The following MORN1 variants were observed in gnomAD, a reference collection of about 807,000 sequenced individuals.
MORN1 encodes the protein MORN repeat-containing protein 1.
In MORN1, 67 loss-of-function variants were observed where a neutral mutation model predicts 61.9. The ratio of observed to expected loss-of-function variants is 1.08; its 90% confidence interval spans 0.89 to 1.33. MORN1 has a LOEUF of 1.33. MORN1 is among the 40% of genes most tolerant of loss of function. The pLI, the probability that MORN1 is intolerant of heterozygous loss-of-function variation, is 0.00. For missense variants in MORN1, 752 were observed against 691.2 expected, an observed-to-expected ratio of 1.09 and a Z score of -0.99; for synonymous variants, 301 against 292.0, an observed-to-expected ratio of 1.03 and a Z score of -0.31.
rs749753036 is a variant in MORN1, at chr1:2,389,986, G to C, written c.87C>G (p.Val29=). ...PRRPPRNGYG[V]YVYPNSFFRY... ...GAAAGAAGGAATTTGGGTATACGTA[G>C]ACACCATAACCTGAGTATTGAGAAG... Residue 29 remains valine (V), a synonymous_variant, in exon 2 of 14, where the codon GTC becomes GTG. Transcript: ENST00000378531. The C allele has an allele frequency of 6.2e-7, 1 of 1,613,848 alleles. No individual in the cohort carries two copies. Among genetic ancestry groups the C allele is most frequent in the Non-Finnish European group, 8.5e-7 (1 of 1,179,782 alleles).
At chr1:2,327,093 GAA>G (rs1641042758) in intron 12 of MORN1, among the ~76,000 whole-genome samples, 1 of 144,758 alleles carries the variant, frequency 6.9e-6, no homozygotes, top group African/African-American at 2.5e-5. Context: ...CAGAGACACA[GAA>G]ACACACAGAA....
Position 2,321,406 on chromosome 1 carries a change from G to A in MORN1, c.1471C>T (p.Pro491Ser), listed in dbSNP as rs1381074800. The A allele has an allele frequency of 2.0e-6, 3 of 1,535,600 alleles. No homozygotes were observed. In the South Asian group the frequency reaches 3.6e-5, roughly 18 times the overall value. The change falls in exon 14 of 14, where the codon CCA becomes TCA. Residue 491 changes from proline to serine, a missense_variant. Physicochemically the swap from Pro to Ser is moderately conservative, Grantham distance 74. Coordinates refer to ENST00000378531, the MANE Select transcript of MORN1 (RefSeq NM_024848.3). ...SSWQAAHSCT[P>S]EPPAPR Reference sequence around the variant, plus strand: ...CCTCACCGAGGCGCTGGCGGCTCTGGGGTGCAGCTGTGGGCGGCCTGCCAG... The same window carrying A: ...CCTCACCGAGGCGCTGGCGGCTCTGAGGTGCAGCTGTGGGCGGCCTGCCAG...
At chr1:2,378,765 G>C (rs938126730) in intron 6 of MORN1, 3 of 368,500 alleles carry the variant, frequency 8.1e-6, no homozygotes, top group Non-Finnish European at 1.6e-5. Flanking sequence ...TGTGGGGCCT[G>C]CCCAAGCCCT....
intron 8 of MORN1, 107 bp from the exon 9 acceptor site, chr1:2,358,822 C>G: frequency 7.3e-7 from 1 of 1,371,088 alleles, no homozygotes; most frequent in South Asian, 1.4e-5. Context: ...TCAGCGGGGC[C>G]ACATTTGCCA....
chr1:2,372,356 G>T lies in MORN1; in HGVS notation c.745+125C>A. 2.8e-6 allele frequency: 2 copies of T among 720,112 alleles called. No homozygotes were observed. The highest frequency in any genetic ancestry group is 4.6e-6 in the Non-Finnish European group (2 of 437,246). 44.6% of individuals were successfully genotyped at this position (720,112 alleles called of 1,614,324 possible). ...CTGCGACCTCTCTGCCAGGCTCTGG[G>T]CACGAAGTCACTGCTGTGCCTCAGG... On this transcript the variant is annotated intron_variant, in intron 8 of 13. Transcript: ENST00000378531. This position sits in a 1 kb window ranked among gnomAD's most constrained non-coding sequence, Gnocchi z 5.4.
At chr1:2,345,833 AC>A (rs1641501951) in intron 10 of MORN1, among the ~76,000 whole-genome samples, 1 of 61,562 alleles carries the variant, frequency 1.6e-5, no homozygotes, top group Admixed American at 2.9e-4. Flanking sequence ...ATGCGGCCAC[AC>A]ACACACACAC....
rs1557873833 is a variant in MORN1, at chr1:2,342,887, T to TTTTATTTTATTTTA, written c.1037-6051_1037-6038dup. Among the ~76,000 whole-genome samples, 128 of 113,280 alleles carry TTTTATTTTATTTTA rather than the reference T, an allele frequency of 1.1e-3. 1 individual carries two copies. Among genetic ancestry groups the TTTTATTTTATTTTA allele is most frequent in the Admixed American group, 2.5e-3 (28 of 11,424 alleles). 74.3% of individuals were successfully genotyped at this position (113,280 alleles called of 152,430 possible). A position where few individuals can be genotyped will look rare whatever the true frequency, so the allele number is the denominator to read the frequency against. Reference sequence around the variant, plus strand: ...ATTTTATTTATTTTATTTTATTTTATTTTATTTTATTTTATTTTATTTTAT... The same window carrying TTTTATTTTATTTTA: ...ATTTTATTTATTTTATTTTATTTTATTTTATTTTATTTTATTTATTTTATTTTATTTTATTTTAT... On this transcript the variant is annotated intron_variant, in intron 10 of 13. Coordinates refer to ENST00000378531, the MANE Select transcript of MORN1 (RefSeq NM_024848.3).
chr1:2,328,346 A>G (rs751962117), intron 12 of MORN1, among the ~76,000 whole-genome samples: 1 of 152,204 alleles, frequency 6.6e-6, no homozygotes, highest in Non-Finnish European at 1.5e-5. Flanking sequence ...AAGGGCGCCC[A>G]CTGGTGCAGT....
intron 8 of MORN1, among the ~76,000 whole-genome samples, chr1:2,369,525 T>C (rs1349658784): frequency 6.6e-6 from 1 of 152,046 alleles, no homozygotes; most frequent in Non-Finnish European, 1.5e-5. Context: ...AATATGATCG[T>C]ATATAGAGAA....
chr1:2,323,593 C>G, intron 13 of MORN1: 7 of 985,338 alleles, frequency 7.1e-6, no homozygotes, highest in Non-Finnish European at 8.4e-6. Context: ...GGCCCCACGG[C>G]TGAGGGTCTG....
At chr1:2,322,212 T>C in intron 13 of MORN1, 1 of 985,158 alleles carries the variant, frequency 1.0e-6, no homozygotes, top group Non-Finnish European at 1.2e-6. Context: ...GGAGAAACCA[T>C]AAAAAAGAAA....
At chr1:2,362,342 G>A (rs1220280271) in intron 8 of MORN1, among the ~76,000 whole-genome samples, 1 of 152,194 alleles carries the variant, frequency 6.6e-6, no homozygotes, top group East Asian at 1.9e-4. Context: ...GAAGAAGAGG[G>A]GTTGGTCTTG....
intron 8 of MORN1, among the ~76,000 whole-genome samples, chr1:2,363,811 A>AATAT (rs57880730): frequency 7.4e-6 from 1 of 135,100 alleles, no homozygotes; most frequent in Non-Finnish European, 1.5e-5. Flanking sequence ...CAAACAAAAA[A>AATAT]ATATATATAT....
At chr1:2,381,916 G>A (rs148701915) in intron 6 of MORN1, among the ~76,000 whole-genome samples, 13 of 152,336 alleles carry the variant, frequency 8.5e-5, no homozygotes, top group African/African-American at 2.9e-4. Flanking sequence ...ACAGGGCTGG[G>A]CTGCCCCCTG....
intron 10 of MORN1, among the ~76,000 whole-genome samples, chr1:2,344,174 T>A (rs1337983766): frequency 6.6e-6 from 1 of 152,306 alleles, no homozygotes; most frequent in African/African-American, 2.4e-5. Context: ...GAGGAGGATG[T>A]CCAGGGGCAC....
rs767789584 is a variant in MORN1 at position 2,384,971 on chromosome 1, C to G, written c.537+7G>C. The G allele has an allele frequency of 7.7e-6, 12 of 1,561,616 alleles. No individual in the cohort carries two copies. The highest frequency in any genetic ancestry group is 1.2e-5 in the South Asian group (1 of 85,042). On this transcript the variant is annotated splice_region_variant and intron_variant, in intron 6 of 13. Coordinates refer to ENST00000378531, the MANE Select transcript of MORN1 (RefSeq NM_024848.3). ...CTGGGCAGCAGGTGCCGCGCGCCCC[C>G]GGGTACCTTGTAGGTGGAGCCGTCG...
intron 10 of MORN1, among the ~76,000 whole-genome samples, chr1:2,353,942 G>A (rs577884059): frequency 7.3e-4 from 111 of 152,236 alleles, no homozygotes; most frequent in Non-Finnish European, 1.4e-3. Flanking sequence ...CAGCAAGCCC[G>A]ATAAATCAGT....
At chr1:2,340,150 G>A (rs534243702) in intron 10 of MORN1, among the ~76,000 whole-genome samples, 7 of 152,044 alleles carry the variant, frequency 4.6e-5, no homozygotes, top group East Asian at 3.9e-4. Flanking sequence ...TGGGCCCTCC[G>A]GGAGACCTCG....
At chr1:2,361,019 A>G (rs1478184494) in intron 8 of MORN1, among the ~76,000 whole-genome samples, 1 of 152,222 alleles carries the variant, frequency 6.6e-6, no homozygotes, top group Non-Finnish European at 1.5e-5. Context: ...AAGAATATTT[A>G]TAGGAATACA....
Sources: allele counts gnomAD v4.1 joint callset (sites outside exome capture counted in the v4.1 genomes callset), GRCh38; gene constraint gnomAD v4.1.1; non-coding constraint Gnocchi (gnomAD v3.1); transcripts MANE v1.5; gene names NCBI Gene and HGNC (gene_info 2026-07-23, HGNC 2026-07-21).